Variants in CFAP46 observed in about 807,000 individuals in gnomAD.
CFAP46 encodes the protein cilia and flagella associated protein 46.
A neutral mutation model predicts 325.7 loss-of-function variants in CFAP46; 245 were observed. The observed-to-expected ratio is 0.75, with a 90% CI of 0.68 to 0.84. The LOEUF (loss-of-function observed/expected upper bound fraction) is 0.84. CFAP46 is among the 40% of genes least tolerant of loss of function. The probability of loss-of-function intolerance (pLI) is 0.00; values close to 1 mark genes in which losing one functional copy is unlikely to be tolerated. For synonymous variants in CFAP46, 1,523 were observed against 1,495.9 expected (o/e 1.02, Z -0.42); for missense variants, 3,346 against 3,543.0 (o/e 0.94, Z 1.41).
chr10:132,926,079 C>A (rs1315109207), intron 10 of CFAP46, among the ~76,000 whole-genome samples: 1 of 152,256 alleles, frequency 6.6e-6, no homozygotes, highest in Non-Finnish European at 1.5e-5. Flanking sequence ...GGCTGCTATT[C>A]CAGAGCCTGT....
Position 132,832,393 on chromosome 10 carries a change from C to CA in CFAP46, c.7117+964_7117+965insT, listed in dbSNP as rs990347448. On this transcript the variant is annotated intron_variant, in intron 50 of 57. Coordinates refer to ENST00000368586, the MANE Select transcript of CFAP46 (RefSeq NM_001200049.3). The surrounding 1 kb of genome is among the most constrained non-coding windows in gnomAD (Gnocchi z 4.1). ...GAGACCCCTGGGCTCTTCCTGCCCC[C>CA]CCCCCCCAATGCTGTGGCCTGGAAA... 4.1e-4 allele frequency among the ~76,000 whole-genome samples: 57 copies of CA among 139,272 alleles called. 1 individual carries two copies. Among genetic ancestry groups the CA allele is most frequent in the African/African-American group, 1.4e-3 (51 of 37,198 alleles). 91.4% of individuals were successfully genotyped at this position (139,272 alleles called of 152,430 possible).
At chr10:132,871,259 C>T (rs1848892861) in intron 32 of CFAP46, among the ~76,000 whole-genome samples, 2 of 152,220 alleles carry the variant, frequency 1.3e-5, no homozygotes, top group African/African-American at 4.8e-5. Flanking sequence ...CGGAGACATA[C>T]AAGGAGACGA....
rs781337193 is a variant in CFAP46 at position 132,851,176 on chromosome 10, G to C, written c.5704C>G (p.Leu1902Val). 6.2e-7 allele frequency: 1 copy of C among 1,614,094 alleles called. No individual in the cohort carries two copies. Among genetic ancestry groups the C allele is most frequent in the African/African-American group, 1.3e-5 (1 of 75,062 alleles). The stretch of plus-strand genomic sequence containing the variant: ...AGATAGTCCGCCAGCAGCTTCTCCA[G>C]GGACCCCTGCTCACTCTGCTGCCCG... ...AHGQQSEQGS[L>V]EKLLADYLQN... The change falls in exon 40 of 58, where the codon CTG becomes GTG. Residue 1902 changes from leucine to valine, a missense_variant. Leu to Val is a conservative substitution (Grantham distance 32). Coordinates refer to ENST00000368586, the MANE Select transcript of CFAP46 (RefSeq NM_001200049.3).
chr10:132,839,518 C>A (rs1397695007), intron 44 of CFAP46, among the ~76,000 whole-genome samples: 1 of 152,174 alleles, frequency 6.6e-6, no homozygotes, highest in Non-Finnish European at 1.5e-5. Flanking sequence ...TCTTTTCAGT[C>A]TTTCTACATG....
chr10:132,909,875 C>T, intron 20 of CFAP46, 44 bp downstream of exon 20: 11 of 1,378,760 alleles, frequency 8.0e-6, no homozygotes, highest in Non-Finnish European at 9.4e-6. Context: ...TCTCTATGTC[C>T]ACAGGGCCTC....
intron 28 of CFAP46, 115 bp downstream of exon 28, chr10:132,880,746 C>T: frequency 8.0e-7 from 1 of 1,253,754 alleles, no homozygotes; most frequent in Non-Finnish European, 1.1e-6. Flanking sequence ...GGGCTCCTGG[C>T]CTCCAAAGCC....
Position 132,884,893 on chromosome 10 carries a change from A to G in CFAP46, c.3627+210T>C, listed in dbSNP as rs1477165029. Among the ~76,000 whole-genome samples, 2 of 152,254 alleles carry G rather than the reference A, an allele frequency of 1.3e-5. No individual in the cohort carries two copies. Among genetic ancestry groups the G allele is most frequent in the East Asian group, 3.9e-4 (2 of 5,162 alleles). ...TGACCACGACCCCTCCATGCTGGAA[A>G]GGGACCACTGAAACCAGCTCCATCC... On this transcript the variant is annotated intron_variant, in intron 27 of 57. Coordinates refer to ENST00000368586, the MANE Select transcript of CFAP46 (RefSeq NM_001200049.3). This position sits in a 1 kb window ranked among gnomAD's most constrained non-coding sequence, Gnocchi z 5.4.
chr10:132,903,436 G>C, intron 22 of CFAP46, among the ~76,000 whole-genome samples: 1 of 152,030 alleles, frequency 6.6e-6, no homozygotes, highest in Non-Finnish European at 1.5e-5. Context: ...TTCTCCCCGC[G>C]ACTCTTCCAT....
At chr10:132,928,595 G>A (rs1849845326) in intron 9 of CFAP46, among the ~76,000 whole-genome samples, 1 of 152,188 alleles carries the variant, frequency 6.6e-6, no homozygotes, top group African/African-American at 2.4e-5. Flanking sequence ...TGTCTCCTGC[G>A]CCACTGATGG....
chr10:132,882,188 G>A (rs1015748712), intron 27 of CFAP46, among the ~76,000 whole-genome samples: 1 of 147,550 alleles, frequency 6.8e-6, no homozygotes, highest in Non-Finnish European at 1.5e-5. Context: ...TGTGGGGTGT[G>A]AGTGGGATGT....
rs1403233729 is a variant in CFAP46 at position 132,899,448 on chromosome 10, C to T, written c.3056+87G>A. 5.6e-6 allele frequency: 8 copies of T among 1,439,948 alleles called. No homozygotes were observed. The African/African-American group carries it at 1.0e-4, about 18-fold the overall frequency. 89.2% of individuals were successfully genotyped at this position (1,439,948 alleles called of 1,614,324 possible). A position where few individuals can be genotyped will look rare whatever the true frequency, so the allele number is the denominator to read the frequency against. The stretch of plus-strand genomic sequence containing the variant: ...CGGCAGGAGCCCTCCCTTGGGCCCA[C>T]AGGATGGGCCACAGCCTTGGTGAGC... On this transcript the variant is annotated intron_variant, in intron 23 of 57. Transcript: ENST00000368586.
At chr10:132,911,161 C>T (rs1463427400) in intron 19 of CFAP46, among the ~76,000 whole-genome samples, 1 of 152,230 alleles carries the variant, frequency 6.6e-6, no homozygotes, top group African/African-American at 2.4e-5. Flanking sequence ...AGCCTGATCC[C>T]TGTAGGTCCC....
At chr10:132,845,990 G>A (rs983622449) in intron 44 of CFAP46, 67 bp downstream of exon 44, 109 of 1,510,878 alleles carry the variant, frequency 7.2e-5, no homozygotes, top group Non-Finnish European at 9.0e-5. Flanking sequence ...GGGACTGTGC[G>A]GCTGCAGTGT....
intron 44 of CFAP46, 94 bp downstream of exon 44, chr10:132,845,963 C>T (rs995560109): frequency 7.3e-7 from 1 of 1,368,780 alleles, no homozygotes; most frequent in African/African-American, 1.4e-5. Context: ...GTGAGCAAGG[C>T]TGCCTCGCTC....
At chr10:132,931,731 G>A (rs1441640346) in intron 8 of CFAP46, among the ~76,000 whole-genome samples, 2 of 127,758 alleles carry the variant, frequency 1.6e-5, no homozygotes, top group Admixed American at 8.2e-5. Flanking sequence ...ACAGAGCCTG[G>A]GCCTCCCCAC....
At chr10:132,881,601 G>A (rs368074650) in intron 27 of CFAP46, among the ~76,000 whole-genome samples, 1 of 151,052 alleles carries the variant, frequency 6.6e-6, no homozygotes, top group African/African-American at 2.4e-5. Context: ...CTGAGAGCCA[G>A]GGTTAGCCTG....
intron 32 of CFAP46, among the ~76,000 whole-genome samples, chr10:132,870,589 C>A (rs1848883914): frequency 6.6e-6 from 1 of 152,156 alleles, no homozygotes; most frequent in African/African-American, 2.4e-5. Flanking sequence ...GTGGTCTGCG[C>A]CGAAGATCAA....
chr10:132,942,427 TG>T lies in CFAP46; in HGVS notation c.49+8del. ...CCCGGGGCGGGGGTCGTGGCGGGCC[TG>T]GGGTCACCTTGCTGGCTCTCGGCGC... On this transcript the variant is annotated splice_region_variant and intron_variant, in intron 1 of 57. Coordinates refer to ENST00000368586, the MANE Select transcript of CFAP46 (RefSeq NM_001200049.3). 1.7e-6 allele frequency: 2 copies of T among 1,185,784 alleles called. No individual in the cohort carries two copies. The highest frequency in any genetic ancestry group is 1.0e-6 in the Non-Finnish European group (1 of 965,716). The allele number at this position is 1,185,784 out of a possible 1,614,324, so 73.5% of individuals were successfully genotyped here.
Position 132,851,153 on chromosome 10 carries a change from A to G in CFAP46, c.5727T>C (p.Tyr1909=). The G allele has an allele frequency of 6.2e-7, 1 of 1,614,078 alleles. No individual in the cohort carries two copies. Among genetic ancestry groups the G allele is most frequent in the Non-Finnish European group, 8.5e-7 (1 of 1,180,034 alleles). Residue 1909 remains tyrosine, a synonymous_variant, in exon 40 of 58, where the codon TAT becomes TAC. Transcript: ENST00000368586. ...AAGTGTAGTCACTGGTGTTCTGCAG[A>G]TAGTCCGCCAGCAGCTTCTCCAGGG... ...QGSLEKLLAD[Y]LQNTSDYTSV...
Sources: allele counts gnomAD v4.1 joint callset (sites outside exome capture counted in the v4.1 genomes callset), GRCh38; gene constraint gnomAD v4.1.1; non-coding constraint Gnocchi (gnomAD v3.1); transcripts MANE v1.5; gene names NCBI Gene and HGNC (gene_info 2026-07-23, HGNC 2026-07-21).